The following RGS12 variants were observed in gnomAD, a reference collection of about 807,000 sequenced individuals.
The protein encoded by RGS12 is regulator of G protein signaling 12.
A neutral mutation model predicts 120.1 loss-of-function variants in RGS12; 66 were observed. That is an observed-to-expected ratio of 0.55 (90% CI 0.45 to 0.67). The LOEUF (loss-of-function observed/expected upper bound fraction) is 0.67, where lower values mean the gene tolerates loss of function less well. RGS12 is among the 30% of genes least tolerant of loss of function. The pLI is 0.00. For synonymous variants in RGS12, 827 were observed against 804.7 expected (o/e 1.03, Z -0.47); for missense variants, 1,859 against 1,957.7 (o/e 0.95, Z 0.95).
At chr4:3,314,917 T>A (rs1724639649) in intron 1 of RGS12, 1 of 152,222 alleles carries the variant, frequency 6.6e-6, no homozygotes, top group Admixed American at 6.5e-5. Context: ...GAAGAGGGGC[T>A]CCCTGTGCTT....
chr4:3,416,847 C>A, intron 7 of RGS12, 66 bp from the exon 8 acceptor site: 1 of 1,478,464 alleles, frequency 6.8e-7, no homozygotes, highest in Non-Finnish European at 9.2e-7. Context: ...CGCCAAGCAG[C>A]CTCGCGCCTG....
chr4:3,433,855 C>T lies in RGS12; in HGVS notation c.4114+2900C>T, dbSNP rs114261239. 1.9e-3 allele frequency among the ~76,000 whole-genome samples: 294 copies of T among 152,240 alleles called. 1 individual carries two copies. Among genetic ancestry groups the T allele is most frequent in the African/African-American group, 6.6e-3 (276 of 41,546 alleles). ...CGGTGCCCCCATGCATGTCTGGTCC[C>T]GGGAGGCATGTGGGTGGGTCTCCTT... On this transcript the variant is annotated intron_variant, in intron 17 of 17. Coordinates refer to ENST00000336727, the MANE Select transcript of RGS12 (RefSeq NM_001394154.1). The surrounding 1 kb of genome is among the most constrained non-coding windows in gnomAD (Gnocchi z 4.4).
Position 3,430,701 on chromosome 4 carries a change from C to A in RGS12, c.3860C>A (p.Thr1287Lys), listed in dbSNP as rs762315278. The A allele has an allele frequency of 1.3e-6, 2 of 1,574,530 alleles. No homozygotes were observed. The highest frequency in any genetic ancestry group is 2.7e-5 in the African/African-American group (2 of 74,008). ...SASSPPGPPGTTPPGQKSPSG... is the reference protein window; with the variant it reads ...SASSPPGPPGKTPPGQKSPSG... ...TCCAGCCCCCCTGGACCTCCTGGGA[C>A]GACCCCCCCCGGGCAGAAGTCTCCC... The change falls in exon 17 of 18, where the codon ACG (threonine) becomes AAG (lysine). Residue 1287 changes from threonine to lysine, a missense_variant. Thr to Lys is a moderately conservative substitution (Grantham distance 78). Around this residue, in one of 3 missense-constraint regions of RGS12, gnomAD observed 517 missense variants for 488.5 expected, o/e 1.06. Coordinates refer to ENST00000336727, the MANE Select transcript of RGS12 (RefSeq NM_001394154.1).
intron 4 of RGS12, among the ~76,000 whole-genome samples, chr4:3,388,330 GTTCC>G (rs1719082186): frequency 6.6e-6 from 1 of 152,200 alleles, no homozygotes; most frequent in Admixed American, 6.5e-5. Context: ...TGTTTATTTA[GTTCC>G]TTTTTGTGTT....
intron 2 of RGS12, among the ~76,000 whole-genome samples, chr4:3,330,546 C>CT (rs1257697742): frequency 6.6e-6 from 1 of 152,168 alleles, no homozygotes; most frequent in Non-Finnish European, 1.5e-5. Context: ...ACAACAGCAC[C>CT]TAGAACAGTG....
rs146915151 is a variant in RGS12, at chr4:3,328,410, A to G, written c.1881+10359A>G. ...GTTTAAACAAATACATTTTCATCGT[A>G]TCTAAGAAAACTAGAGAGTGGGTCT... On this transcript the variant is annotated intron_variant, in intron 2 of 17. Transcript: ENST00000336727. Among the ~76,000 whole-genome samples, 394 of 152,328 alleles carry G rather than the reference A, an allele frequency of 2.6e-3. 1 individual carries two copies. The highest frequency in any genetic ancestry group is 9.2e-3 in the African/African-American group (381 of 41,560).
At chr4:3,369,099 C>T (rs1045506465) in intron 3 of RGS12, among the ~76,000 whole-genome samples, 3 of 152,116 alleles carry the variant, frequency 2.0e-5, no homozygotes, top group Non-Finnish European at 2.9e-5. Context: ...CCCCTTTCAG[C>T]GAGGAGCAGC....
At chr4:3,305,273 G>A (rs1723910160) in intron 1 of RGS12, among the ~76,000 whole-genome samples, 1 of 152,188 alleles carries the variant, frequency 6.6e-6, no homozygotes, top group Admixed American at 6.5e-5. Flanking sequence ...GCTAGGTCCA[G>A]CCTACACCCC....
chr4:3,392,963 G>A (rs972534830), intron 4 of RGS12, among the ~76,000 whole-genome samples: 1 of 152,216 alleles, frequency 6.6e-6, no homozygotes, highest in African/African-American at 2.4e-5. Flanking sequence ...ACTCCAGCCT[G>A]GGGGCAGAGT....
chr4:3,307,030 A>G (rs1724009334), intron 1 of RGS12, among the ~76,000 whole-genome samples: 3 of 151,956 alleles, frequency 2.0e-5, no homozygotes, highest in Admixed American at 2.0e-4. Flanking sequence ...TCATCACATC[A>G]CTCTCTTTTC....
At chr4:3,370,276 G>T in intron 3 of RGS12, 1 of 1,613,934 alleles carries the variant, frequency 6.2e-7, no homozygotes, top group Non-Finnish European at 8.5e-7. Context: ...CAATGAATTT[G>T]GGGAAAGAGT....
rs540092554 is a variant in RGS12, at chr4:3,434,229, C to T, written c.4114+3274C>T. On this transcript the variant is annotated intron_variant, in intron 17 of 17. Coordinates refer to ENST00000336727, the MANE Select transcript of RGS12 (RefSeq NM_001394154.1). Reference sequence around the variant, plus strand: ...GAGAACCGGCAGAGGAAATGCCAGACGCTTATAAAACCATCAGCTCTCCTG... The same window carrying T: ...GAGAACCGGCAGAGGAAATGCCAGATGCTTATAAAACCATCAGCTCTCCTG... 3.3e-5 allele frequency among the ~76,000 whole-genome samples: 5 copies of T among 152,264 alleles called. No individual in the cohort carries two copies. In the East Asian group the frequency reaches 5.8e-4, roughly 18 times the overall value.
At position 3,430,730 on chromosome 4, in the gene RGS12, G is replaced by C. The variant is rs1224346213; in HGVS notation, c.3889G>C (p.Gly1297Arg). Residue 1297 changes from glycine (G) to arginine (R), a missense_variant, in exon 17 of 18, where the codon GGG becomes CGG. Physicochemically the swap from Gly to Arg is moderately radical, Grantham distance 125. Transcript: ENST00000336727. ...CCCCCCCGGGCAGAAGTCTCCCAGC[G>C]GGCCCTTCTGCACTCCCCAGTCCCC... Reference protein sequence around the residue: ...TTPPGQKSPSGPFCTPQSPVS... With the variant: ...TTPPGQKSPSRPFCTPQSPVS... 1.3e-6 allele frequency: 2 copies of C among 1,596,912 alleles called. No individual in the cohort carries two copies. Among genetic ancestry groups the C allele is most frequent in the Non-Finnish European group, 1.7e-6 (2 of 1,171,320 alleles).
intron 13 of RGS12, among the ~76,000 whole-genome samples, chr4:3,424,372 A>G (rs748924958): frequency 1.2e-4 from 18 of 152,272 alleles, no homozygotes; most frequent in Non-Finnish European, 2.4e-4. Flanking sequence ...AGAAGAACCT[A>G]TTAAATTATT....
chr4:3,299,567 C>T lies in RGS12; in HGVS notation c.-102+6468C>T, dbSNP rs76691752. Among the ~76,000 whole-genome samples the T allele has an allele frequency of 2.2e-4, 34 of 152,244 alleles. No homozygotes were observed. The East Asian group carries it at 6.4e-3, about 29-fold the overall frequency. Reference sequence around the variant, plus strand: ...GGAGGATGTGGGAACTGTCAATTTACGGACAGAGCTGCCGGCACTTTGATT... The same window carrying T: ...GGAGGATGTGGGAACTGTCAATTTATGGACAGAGCTGCCGGCACTTTGATT... On this transcript the variant is annotated intron_variant, in intron 1 of 17. Transcript: ENST00000336727.
At position 3,406,392 on chromosome 4, in the gene RGS12, G is replaced by C. The variant is rs181309419; in HGVS notation, c.2021-7680G>C. On this transcript the variant is annotated intron_variant, in intron 4 of 17. Coordinates refer to ENST00000336727, the MANE Select transcript of RGS12 (RefSeq NM_001394154.1). ...TTTTTTCTTGGAAAATGTGGAGCTT[G>C]ATTGGATGCCTTTGTAGTGGAGCTT... Among the ~76,000 whole-genome samples, 25 of 152,340 alleles carry C rather than the reference G, an allele frequency of 1.6e-4. No individual in the cohort carries two copies. In the East Asian group the frequency reaches 4.8e-3, roughly 29 times the overall value.
chr4:3,310,530 G>A (rs1423009766), intron 1 of RGS12, among the ~76,000 whole-genome samples: 2 of 152,224 alleles, frequency 1.3e-5, no homozygotes, highest in Non-Finnish European at 2.9e-5. Context: ...GCAGGTCCAT[G>A]CTGCTCTGGG....
chr4:3,363,007 G>A (rs1287065301), intron 3 of RGS12, among the ~76,000 whole-genome samples: 1 of 151,624 alleles, frequency 6.6e-6, no homozygotes, highest in African/African-American at 2.4e-5. Context: ...GAGTGTGCAC[G>A]TCTGTGAGTG....
intron 4 of RGS12, among the ~76,000 whole-genome samples, chr4:3,400,434 T>A (rs1447266505): frequency 6.6e-6 from 1 of 152,128 alleles, no homozygotes; most frequent in Non-Finnish European, 1.5e-5. Context: ...AGGGATACAT[T>A]GGTGAACAAA....
Sources: gnomAD v4.1 joint callset for allele counts (sites outside exome capture counted in the v4.1 genomes callset) on GRCh38, gnomAD v4.1.1 for gene constraint, gnomAD v4.1.1 regional missense constraint, Gnocchi (gnomAD v3.1) non-coding constraint, MANE v1.5 for transcripts, NCBI Gene and HGNC (gene_info 2026-07-23, HGNC 2026-07-21) for gene names.